Variants in CDH13 observed in about 807,000 individuals in gnomAD.
CDH13 encodes cadherin-13.
A neutral mutation model predicts 63.8 loss-of-function variants in CDH13; 24 were observed. That is an observed-to-expected ratio of 0.38 (90% CI 0.27 to 0.53). The LOEUF (loss-of-function observed/expected upper bound fraction) is 0.53. CDH13 is among the 20% of genes least tolerant of loss of function. CDH13 has a pLI of 0.85. For missense variants in CDH13, 1,049 were observed against 903.1 expected, an observed-to-expected ratio of 1.16 and a Z score of -2.07; for synonymous variants, 503 against 355.3, an observed-to-expected ratio of 1.42 and a Z score of -4.67.
chr16:82,758,494 T>A (rs2034707324), intron 1 of CDH13, among the ~76,000 whole-genome samples: 2 of 151,470 alleles, frequency 1.3e-5, no homozygotes, highest in Non-Finnish European at 2.9e-5. Context: ...GTCTTCTGAC[T>A]CCCACTAGTT....
At chr16:83,600,466 C>G (rs1598352399) in intron 7 of CDH13, among the ~76,000 whole-genome samples, 1 of 152,230 alleles carries the variant, frequency 6.6e-6, no homozygotes, top group Non-Finnish European at 1.5e-5. Flanking sequence ...TATGAGCAGA[C>G]AGCCAGTTGC....
intron 3 of CDH13, among the ~76,000 whole-genome samples, chr16:83,077,837 G>T (rs2032957472): frequency 6.6e-6 from 1 of 152,170 alleles, no homozygotes; most frequent in African/African-American, 2.4e-5. Context: ...TGAGAGCAGT[G>T]ACGGCTTTGC....
At chr16:83,620,042 C>T (rs777736581) in intron 8 of CDH13, among the ~76,000 whole-genome samples, 2 of 151,174 alleles carry the variant, frequency 1.3e-5, no homozygotes, top group Admixed American at 1.3e-4. Context: ...ACCCACAAGA[C>T]GAGGAGGCTG....
intron 1 of CDH13, among the ~76,000 whole-genome samples, chr16:82,692,489 C>G (rs139365351): frequency 6.6e-6 from 1 of 152,256 alleles, no homozygotes; most frequent in East Asian, 1.9e-4. Context: ...ACCATCAGAT[C>G]TCATGAGATG....
chr16:82,718,118 G>A (rs928314141), intron 1 of CDH13, among the ~76,000 whole-genome samples: 1 of 152,190 alleles, frequency 6.6e-6, no homozygotes, highest in Non-Finnish European at 1.5e-5. Flanking sequence ...AGACAGGGAA[G>A]AAAGGGCAGC....
chr16:82,744,786 T>C (rs1324433723), intron 1 of CDH13, among the ~76,000 whole-genome samples: 2 of 152,230 alleles, frequency 1.3e-5, no homozygotes, highest in Non-Finnish European at 2.9e-5. Flanking sequence ...TTTATGTTTC[T>C]TGTGCTACAT....
chr16:82,669,175 G>A (rs1314708169), intron 1 of CDH13, among the ~76,000 whole-genome samples: 2 of 152,146 alleles, frequency 1.3e-5, no homozygotes, highest in African/African-American at 4.8e-5. Context: ...ACAGACCATC[G>A]GAAACCTCTT....
At chr16:83,125,289 C>T (rs1198463189) in intron 3 of CDH13, 96 bp from the exon 4 acceptor site, 1 of 702,870 alleles carries the variant, frequency 1.4e-6, no homozygotes, top group Non-Finnish European at 2.6e-6. Flanking sequence ...TTCCAAACAG[C>T]TGTATGCTTT....
intron 11 of CDH13, among the ~76,000 whole-genome samples, chr16:83,760,827 A>G (rs1469179135): frequency 6.6e-6 from 1 of 152,212 alleles, no homozygotes; most frequent in Non-Finnish European, 1.5e-5. Flanking sequence ...TAGTCCTGTA[A>G]CCATTCACAT....
chr16:83,718,082 G>T (rs1269181475), intron 10 of CDH13, among the ~76,000 whole-genome samples: 1 of 152,224 alleles, frequency 6.6e-6, no homozygotes, highest in East Asian at 1.9e-4. Context: ...AGCAGATGCT[G>T]AGACAAGGGT....
intron 1 of CDH13, among the ~76,000 whole-genome samples, chr16:82,642,421 G>A (rs1909527214): frequency 6.6e-6 from 1 of 152,188 alleles, no homozygotes; most frequent in Non-Finnish European, 1.5e-5. Flanking sequence ...GTAATGTACA[G>A]GGCATAATAA....
intron 5 of CDH13, among the ~76,000 whole-genome samples, chr16:83,267,275 C>G (rs112573402): frequency 6.6e-6 from 1 of 152,130 alleles, no homozygotes; most frequent in African/African-American, 2.4e-5. Context: ...TCCCCACCTC[C>G]GCAGCATCAG....
intron 1 of CDH13, among the ~76,000 whole-genome samples, chr16:82,721,170 T>C (rs955384138): frequency 5.9e-5 from 9 of 152,210 alleles, no homozygotes; most frequent in African/African-American, 2.2e-4. Context: ...GTGTTGCTGA[T>C]GATATTAAAA....
intron 3 of CDH13, among the ~76,000 whole-genome samples, chr16:83,085,191 C>T (rs528564816): frequency 2.0e-5 from 3 of 151,900 alleles, no homozygotes; most frequent in East Asian, 1.9e-4. Context: ...GGGCAAAAGG[C>T]ACTTCTTTCT....
At chr16:83,156,227 A>G (rs1330837881) in intron 4 of CDH13, among the ~76,000 whole-genome samples, 1 of 152,260 alleles carries the variant, frequency 6.6e-6, no homozygotes, top group Non-Finnish European at 1.5e-5. Context: ...ATAATGCATC[A>G]GCTCACATTG....
At chr16:82,687,235 G>A (rs557023118) in intron 1 of CDH13, among the ~76,000 whole-genome samples, 204 of 152,202 alleles carry the variant, frequency 1.3e-3, no homozygotes, top group Non-Finnish European at 2.5e-3. Context: ...GTGTAAAGGA[G>A]GAGGCAGGGT....
intron 1 of CDH13, among the ~76,000 whole-genome samples, chr16:82,849,056 G>A (rs914987154): frequency 9.2e-5 from 14 of 152,134 alleles, no homozygotes; most frequent in African/African-American, 3.1e-4. Flanking sequence ...CAGCCGCAAC[G>A]TTCCCTCAAA....
intron 1 of CDH13, among the ~76,000 whole-genome samples, chr16:82,786,134 A>C (rs1018759429): frequency 1.3e-5 from 2 of 152,200 alleles, no homozygotes; most frequent in African/African-American, 4.8e-5. Context: ...GCAGGTGATC[A>C]GAATGAGTCA....
intron 6 of CDH13, among the ~76,000 whole-genome samples, chr16:83,372,700 C>T (rs917566373): frequency 6.9e-6 from 1 of 145,170 alleles, no homozygotes; most frequent in African/African-American, 2.6e-5. Context: ...TGCAGTGAGC[C>T]GAGGTGGTGC....
Sources: allele counts gnomAD v4.1 joint callset (sites outside exome capture counted in the v4.1 genomes callset), GRCh38; gene constraint gnomAD v4.1.1; transcripts MANE v1.5; gene names NCBI Gene and HGNC (gene_info 2026-07-23, HGNC 2026-07-21).